ACTR1A: variants seen among roughly 807,000 people sequenced by gnomAD.
ACTR1A encodes actin related protein 1A.
In ACTR1A, 10 loss-of-function variants were observed where a neutral mutation model predicts 50.7. The observed-to-expected ratio is 0.20, with a 90% CI of 0.12 to 0.33. The LOEUF (loss-of-function observed/expected upper bound fraction) is 0.33, where lower values mean the gene tolerates loss of function less well. Among genes scored for constraint, ACTR1A ranks in the 10% least tolerant of loss-of-function variants. The probability of loss-of-function intolerance (pLI) is 1.00; values close to 1 mark genes in which losing one functional copy is unlikely to be tolerated. For missense variants in ACTR1A, 253 were observed against 491.7 expected (o/e 0.51, Z 4.59); for synonymous variants, 177 against 184.2 (o/e 0.96, Z 0.32).
intron 9 of ACTR1A, 41 bp from the exon 10 acceptor site, chr10:102,481,213 C>A: frequency 6.5e-7 from 1 of 1,540,812 alleles, no homozygotes; most frequent in South Asian, 1.2e-5. Context: ...ACTTCCAGCC[C>A]TCCCGCTCCC....
At chr10:102,493,894 C>G (rs1408909685) in intron 1 of ACTR1A, among the ~76,000 whole-genome samples, 3 of 152,168 alleles carry the variant, frequency 2.0e-5, no homozygotes, top group African/African-American at 7.2e-5. Flanking sequence ...AGAGGCGGTT[C>G]AGCAAAGGGG....
rs752669994 is a variant in ACTR1A, at chr10:102,488,104, C to G, written c.315+46G>C. The stretch of plus-strand genomic sequence containing the variant: ...TCATCTCTAGGGTAGGAGTTTGACA[C>G]AGCTTTGCATACCCTACAGGAGTGC... On this transcript the variant is annotated intron_variant, in intron 4 of 10. Transcript: ENST00000369905. The surrounding 1 kb of genome is among the most constrained non-coding windows in gnomAD (Gnocchi z 4.4). 1 of 1,578,132 alleles carries G rather than the reference C, an allele frequency of 6.3e-7. No homozygotes were observed. The highest frequency in any genetic ancestry group is 2.3e-5 in the East Asian group (1 of 43,918).
At position 102,488,091 on chromosome 10, in the gene ACTR1A, T is replaced by C. The variant is rs1007602104; in HGVS notation, c.315+59A>G. The C allele has an allele frequency of 2.6e-5, 40 of 1,565,944 alleles. No homozygotes were observed. In the Admixed American group the frequency reaches 4.5e-4, roughly 18 times the overall value. On this transcript the variant is annotated intron_variant, in intron 4 of 10. Coordinates refer to ENST00000369905, the MANE Select transcript of ACTR1A (RefSeq NM_005736.4). This position sits in a 1 kb window ranked among gnomAD's most constrained non-coding sequence, Gnocchi z 4.4. ...ATCGTCCTCCTCATCATCTCTAGGG[T>C]AGGAGTTTGACACAGCTTTGCATAC... is the stretch of plus-strand genomic sequence containing the variant.
chr10:102,493,044 G>T (rs2062202408), intron 1 of ACTR1A, among the ~76,000 whole-genome samples: 1 of 139,726 alleles, frequency 7.2e-6, no homozygotes, highest in Non-Finnish European at 1.6e-5. Context: ...GAAGGGCAGA[G>T]AAAGTGGTAT....
rs1489788653 is a variant in ACTR1A, at chr10:102,483,101, T to A, written c.660A>T (p.Arg220Ser). 9.3e-6 allele frequency: 15 copies of A among 1,612,884 alleles called. No individual in the cohort carries two copies. Among genetic ancestry groups the A allele is most frequent in the Non-Finnish European group, 1.3e-5 (15 of 1,178,870 alleles). Reference sequence around the variant, plus strand: ...GGGGGTTTATGGATAGGTAACAGGCTCTCTGCAGATCCAAGCAAGACAGTC... The same window carrying A: ...GGGGGTTTATGGATAGGTAACAGGCACTCTGCAGATCCAAGCAAGACAGTC... ...EFEIVKAIKE[R>S]ACYLSINPQK... The change falls in exon 7 of 11, where the codon AGA becomes AGT. Residue 220 changes from arginine to serine, a missense_variant and splice_region_variant. Around this residue, in one of 4 missense-constraint regions of ACTR1A, gnomAD observed 116 missense variants for 155.9 expected, o/e 0.74. Coordinates refer to ENST00000369905, the MANE Select transcript of ACTR1A (RefSeq NM_005736.4).
At chr10:102,499,242 G>C (rs2062236179) in intron 1 of ACTR1A, among the ~76,000 whole-genome samples, 1 of 152,118 alleles carries the variant, frequency 6.6e-6, no homozygotes, top group African/African-American at 2.4e-5. Flanking sequence ...GTAATAAGTT[G>C]TCTCAGGTAT....
At position 102,486,952 on chromosome 10, in the gene ACTR1A, A is replaced by AT. The variant is rs61362296; in HGVS notation, c.315+1197dup. ...CAGGCACGCACCACTGTACCCGGCT[A>AT]TTTTTTTTTTTTTCATATTTTTAGT... On this transcript the variant is annotated intron_variant, in intron 4 of 10. Coordinates refer to ENST00000369905, the MANE Select transcript of ACTR1A (RefSeq NM_005736.4). 6.4e-3 allele frequency among the ~76,000 whole-genome samples: 931 copies of AT among 145,922 alleles called. 4 individuals carry two copies. Among genetic ancestry groups the AT allele is most frequent in the Non-Finnish European group, 9.3e-3 (616 of 66,506 alleles).
chr10:102,495,527 C>T (rs11191304), intron 1 of ACTR1A, among the ~76,000 whole-genome samples: 52,646 of 149,490 alleles, frequency 0.35, 9,409 homozygotes, highest in African/African-American at 0.39. Flanking sequence ...AGACATTGCG[C>T]GACTGCACTC....
chr10:102,479,253 AT>A lies in ACTR1A; in HGVS notation c.*1609del, dbSNP rs1298775648. 1 of 624,096 alleles carries A rather than the reference AT, an allele frequency of 1.6e-6. No individual in the cohort carries two copies. Among genetic ancestry groups the A allele is most frequent in the African/African-American group, 1.9e-5 (1 of 53,152 alleles). 38.7% of individuals were successfully genotyped at this position (624,096 alleles called of 1,614,324 possible). A position where few individuals can be genotyped will look rare whatever the true frequency, so the allele number is the denominator to read the frequency against. On this transcript the variant is annotated 3_prime_UTR_variant, in exon 11 of 11. Coordinates refer to ENST00000369905, the MANE Select transcript of ACTR1A (RefSeq NM_005736.4). The surrounding 1 kb of genome is among the most constrained non-coding windows in gnomAD (Gnocchi z 4.0). The stretch of plus-strand genomic sequence containing the variant: ...CTGACGTGTCTATCGGAACGACTTT[AT>A]TTCAGTACACTGGGCCCCACCAGGC...
At chr10:102,500,119 G>C (rs2062240888) in intron 1 of ACTR1A, among the ~76,000 whole-genome samples, 1 of 152,286 alleles carries the variant, frequency 6.6e-6, no homozygotes, top group South Asian at 2.1e-4. Context: ...TAGTGAGGGA[G>C]ACAAAAAGAT....
intron 2 of ACTR1A, among the ~76,000 whole-genome samples, chr10:102,490,222 G>C (rs2135584471): frequency 8.1e-6 from 1 of 123,282 alleles, no homozygotes; most frequent in East Asian, 2.7e-4. Flanking sequence ...AACACAGCGA[G>C]ACTCCGTCTC....
intron 4 of ACTR1A, among the ~76,000 whole-genome samples, chr10:102,486,932 ACG>A (rs1166542903): frequency 3.4e-5 from 5 of 148,998 alleles, no homozygotes. Context: ...GACTACAGGC[ACG>A]CACCACTGTA....
At chr10:102,500,642 C>G (rs1224093302) in intron 1 of ACTR1A, among the ~76,000 whole-genome samples, 2 of 151,942 alleles carry the variant, frequency 1.3e-5, no homozygotes, top group Non-Finnish European at 2.9e-5. Context: ...ATCTGTAATC[C>G]CAGCTACTTG....
intron 1 of ACTR1A, among the ~76,000 whole-genome samples, chr10:102,501,325 T>C (rs150279315): frequency 2.6e-5 from 4 of 152,324 alleles, no homozygotes; most frequent in African/African-American, 9.6e-5. Flanking sequence ...GTAATTCCTA[T>C]CTACCTAACA....
chr10:102,484,566 T>A (rs2296584), intron 5 of ACTR1A, among the ~76,000 whole-genome samples, 190 bp from the exon 6 acceptor site: 53,160 of 151,606 alleles, frequency 0.35, 9,419 homozygotes, highest in African/African-American at 0.39. Flanking sequence ...GAACGGAAGT[T>A]GCTGATCTTC....
intron 1 of ACTR1A, among the ~76,000 whole-genome samples, chr10:102,495,892 G>C (rs1183575906): frequency 1.4e-5 from 2 of 146,832 alleles, no homozygotes; most frequent in Non-Finnish European, 3.0e-5. Flanking sequence ...CTCCCGAGTA[G>C]CTGGGACCAC....
In ACTR1A at chr10:102,496,113, T is replaced by C. The variant is rs2062221325; in HGVS notation, c.49-5500A>G. Among the ~76,000 whole-genome samples, 4 of 152,192 alleles carry C rather than the reference T, an allele frequency of 2.6e-5. No homozygotes were observed. In the South Asian group the frequency reaches 8.3e-4, roughly 32 times the overall value. Reference sequence around the variant, plus strand: ...GGTGCCCGCCACCACGCCTGGCTAATTTTTTGTATTTTTAATAAAGACGGG... The same window carrying C: ...GGTGCCCGCCACCACGCCTGGCTAACTTTTTGTATTTTTAATAAAGACGGG... On this transcript the variant is annotated intron_variant, in intron 1 of 10. Transcript: ENST00000369905.
At chr10:102,497,017 A>G (rs1379846134) in intron 1 of ACTR1A, among the ~76,000 whole-genome samples, 2 of 151,910 alleles carry the variant, frequency 1.3e-5, no homozygotes, top group Non-Finnish European at 2.9e-5. Context: ...CGTCTCTACT[A>G]AAAATACAAA....
intron 4 of ACTR1A, among the ~76,000 whole-genome samples, chr10:102,486,848 C>T (rs2062170810): frequency 1.3e-5 from 2 of 150,906 alleles, no homozygotes; most frequent in Non-Finnish European, 2.9e-5. Flanking sequence ...TTCAGTGGTG[C>T]GATCTTGGCT....
Sources: gnomAD v4.1 joint callset for allele counts (sites outside exome capture counted in the v4.1 genomes callset) on GRCh38, gnomAD v4.1.1 for gene constraint, gnomAD v4.1.1 regional missense constraint, Gnocchi (gnomAD v3.1) non-coding constraint, MANE v1.5 for transcripts, NCBI Gene and HGNC (gene_info 2026-07-23, HGNC 2026-07-21) for gene names.